The following SLCO1A2 variants were observed in gnomAD, a reference collection of about 807,000 sequenced individuals.
SLCO1A2 encodes the protein OATP-1.
In SLCO1A2, 67 loss-of-function variants were observed where a neutral mutation model predicts 69.0. The observed-to-expected ratio is 0.97, with a 90% CI of 0.80 to 1.19. The LOEUF is 1.19. SLCO1A2 is among the 50% of genes most tolerant of loss of function. SLCO1A2 has a pLI of 0.00. For missense variants in SLCO1A2, 787 were observed against 793.7 expected (o/e 0.99, Z 0.10); for synonymous variants, 260 against 265.9 (o/e 0.98, Z 0.22).
chr12:21,306,980 T>C lies in SLCO1A2; in HGVS notation c.344A>G (p.Tyr115Cys). ...LPHFLMNQYE[Y>C]ESTVSVSGNL... is the part of the protein sequence containing the mutation. ...GCCTGAAACTGAAACTGTAGATTCATATTCATATCTGTATAAACACAGGGA... is the reference window on the plus strand; with the variant it reads ...GCCTGAAACTGAAACTGTAGATTCACATTCATATCTGTATAAACACAGGGA... The change falls in exon 5 of 15, where the codon TAT becomes TGT. Residue 115 changes from tyrosine to cysteine, a missense_variant. By Grantham distance (194) the Tyr-to-Cys change is radical. Coordinates refer to ENST00000683939, the MANE Select transcript of SLCO1A2 (RefSeq NM_001386879.1). 1 of 1,604,422 alleles carries C rather than the reference T, an allele frequency of 6.2e-7. No individual in the cohort carries two copies.
chr12:21,363,814 C>G (rs2137058916), intron 2 of SLCO1A2, among the ~76,000 whole-genome samples: 1 of 152,240 alleles, frequency 6.6e-6, no homozygotes, highest in East Asian at 1.9e-4. Context: ...GGATAAATTC[C>G]TGGACTTATA....
chr12:21,285,161 A>C (rs1565470451), intron 12 of SLCO1A2, among the ~76,000 whole-genome samples: 2 of 148,814 alleles, frequency 1.3e-5, no homozygotes, highest in African/African-American at 2.5e-5. Flanking sequence ...ACAATAAAAA[A>C]TGATAAAGGG....
intron 3 of SLCO1A2, among the ~76,000 whole-genome samples, chr12:21,317,021 ATT>A (rs1950965170): frequency 6.6e-6 from 1 of 152,196 alleles, no homozygotes; most frequent in Non-Finnish European, 1.5e-5. Flanking sequence ...CTATATAAAA[ATT>A]TGTTTTAATA....
chr12:21,292,322 G>T lies in SLCO1A2; in HGVS notation c.1452C>A (p.Cys484Ter). Residue 484 changes from cysteine (C) to a stop codon, truncating the protein, a stop_gained, in exon 12 of 15, where the codon TGC (cysteine) becomes TGA (stop). Coordinates refer to ENST00000683939, the MANE Select transcript of SLCO1A2 (RefSeq NM_001386879.1). LOFTEE classifies it high-confidence loss of function. The part of the protein sequence containing the change: ...GTGINMVFQN[C>*]SCIQTSGNSS... ...AATTTCCTGATGTTTGAATACAGCT[G>T]CAATTTTGGAACACCTGCCAAAAAA... 1 of 1,603,574 alleles carries T rather than the reference G, an allele frequency of 6.2e-7. No individual in the cohort carries two copies. The highest frequency in any genetic ancestry group is 8.5e-7 in the Non-Finnish European group (1 of 1,175,814).
chr12:21,378,830 A>C (rs1448815756), intron 1 of SLCO1A2: 1 of 169,226 alleles, frequency 5.9e-6, no homozygotes, highest in East Asian at 1.6e-4. Flanking sequence ...TAATCCCAGC[A>C]CTTTGGGAGG....
At position 21,334,818 on chromosome 12, in the gene SLCO1A2, C is replaced by T. The variant is rs1591858065; in HGVS notation, c.-63+9G>A. ...AACATAATTGAAATCCATTGCATTA[C>T]AAAAATACCTGGAACGCTTTAATAC... On this transcript the variant is annotated intron_variant, in intron 1 of 14. Coordinates refer to ENST00000683939, the MANE Select transcript of SLCO1A2 (RefSeq NM_001386879.1). The T allele has an allele frequency of 3.6e-6, 2 of 548,972 alleles. No homozygotes were observed. Among genetic ancestry groups the T allele is most frequent in the Non-Finnish European group, 6.3e-6 (2 of 318,708 alleles). 34.0% of individuals were successfully genotyped at this position (548,972 alleles called of 1,614,324 possible). A position where few individuals can be genotyped will look rare whatever the true frequency, so the allele number is the denominator to read the frequency against.
chr12:21,396,194 A>C (rs1445895223), upstream of SLCO1A2, among the ~76,000 whole-genome samples: 1 of 150,324 alleles, frequency 6.7e-6, no homozygotes, highest in Non-Finnish European at 1.5e-5. Context: ...GATGGAGCTG[A>C]AAACCAAGGC....
At chr12:21,270,858 A>G (rs1196618626) in intron 14 of SLCO1A2, among the ~76,000 whole-genome samples, 4 of 151,450 alleles carry the variant, frequency 2.6e-5, no homozygotes, top group Non-Finnish European at 4.4e-5. Context: ...TCCTCTCTTT[A>G]TTTGCCTTTC....
In SLCO1A2 at chr12:21,292,158, T is replaced by G; in HGVS notation, c.1610+6A>C. The G allele has an allele frequency of 6.5e-7, 1 of 1,536,902 alleles. No homozygotes were observed. The highest frequency in any genetic ancestry group is 8.7e-7 in the Non-Finnish European group (1 of 1,146,406). ...AAAAATATAAATAAAGAAAATAATT[T>G]TGTACCTCAAGAGAACCATATATCC... On this transcript the variant is annotated splice_donor_region_variant and intron_variant, in intron 12 of 14. Transcript: ENST00000683939.
upstream of SLCO1A2, among the ~76,000 whole-genome samples, chr12:21,339,547 T>C (rs556219621): frequency 3.3e-5 from 5 of 151,916 alleles, no homozygotes; most frequent in South Asian, 2.1e-4. Context: ...GATAGGAAAA[T>C]AGAACTCATA....
upstream of SLCO1A2, among the ~76,000 whole-genome samples, chr12:21,398,189 G>A (rs1215126463): frequency 1.3e-5 from 2 of 150,512 alleles, no homozygotes; most frequent in Non-Finnish European, 3.0e-5. Flanking sequence ...TGATAAAGGG[G>A]ATGTCACCAC....
At chr12:21,386,067 T>C (rs575549538) in intron 1 of SLCO1A2, among the ~76,000 whole-genome samples, 5 of 152,194 alleles carry the variant, frequency 3.3e-5, no homozygotes, top group African/African-American at 4.8e-5. Context: ...AACTTTCATA[T>C]TGAAGTAAAA....
intron 1 of SLCO1A2, among the ~76,000 whole-genome samples, chr12:21,383,197 C>T (rs4762700): frequency 0.25 from 38,179 of 152,068 alleles, 5,729 homozygotes; most frequent in African/African-American, 0.43. Context: ...AATACACTTA[C>T]TAAATATTTC....
intron 4 of SLCO1A2, among the ~76,000 whole-genome samples, chr12:21,309,038 A>G (rs757457040): frequency 7.2e-5 from 11 of 152,254 alleles, no homozygotes; most frequent in Non-Finnish European, 1.6e-4. Flanking sequence ...AAAGAATAGT[A>G]TGTTCCTTAA....
intron 12 of SLCO1A2, among the ~76,000 whole-genome samples, chr12:21,281,994 T>C (rs1944881301): frequency 6.6e-6 from 1 of 151,608 alleles, no homozygotes; most frequent in Non-Finnish European, 1.5e-5. Context: ...CTACCAAACA[T>C]TTAAAAAGGA....
At chr12:21,315,871 A>G (rs1038336199) in intron 3 of SLCO1A2, among the ~76,000 whole-genome samples, 9 of 152,212 alleles carry the variant, frequency 5.9e-5, no homozygotes, top group Non-Finnish European at 8.8e-5. Context: ...TTCATGTTTT[A>G]AACTGCCTTG....
At position 21,269,358 on chromosome 12, in the gene SLCO1A2, C is replaced by T. The variant is rs1348865516; in HGVS notation, c.*190G>A. The T allele has an allele frequency of 6.6e-6, 3 of 453,402 alleles. No homozygotes were observed. Among genetic ancestry groups the T allele is most frequent in the Non-Finnish European group, 1.2e-5 (3 of 257,674 alleles). The allele number at this position is 453,402 out of a possible 1,614,324, so 28.1% of individuals were successfully genotyped here. A position where few individuals can be genotyped will look rare whatever the true frequency, so the allele number is the denominator to read the frequency against. On this transcript the variant is annotated 3_prime_UTR_variant, in exon 15 of 15. Transcript: ENST00000683939. The stretch of plus-strand genomic sequence containing the variant: ...TTAGGGGGCTGTTATTGATGTCCCT[C>T]CTAGGAAAACTCAAGTGTCACTGAT...
intron 2 of SLCO1A2, among the ~76,000 whole-genome samples, chr12:21,324,109 G>C (rs1043463161): frequency 2.0e-5 from 3 of 152,128 alleles, no homozygotes; most frequent in African/African-American, 7.2e-5. Flanking sequence ...TTGTGTGTCA[G>C]AATGGAAAAT....
chr12:21,354,317 AT>A (rs1938193370), intron 2 of SLCO1A2, among the ~76,000 whole-genome samples: 1 of 152,096 alleles, frequency 6.6e-6, no homozygotes, highest in Non-Finnish European at 1.5e-5. Context: ...AAAGCCAGGT[AT>A]TTTTTTACAT....
Sources: gnomAD v4.1 joint callset for allele counts (sites outside exome capture counted in the v4.1 genomes callset) on GRCh38, gnomAD v4.1.1 for gene constraint, MANE v1.5 for transcripts, NCBI Gene and HGNC (gene_info 2026-07-23, HGNC 2026-07-21) for gene names.